Variants in AGBL4 observed in about 807,000 individuals in gnomAD.
AGBL4 encodes cytosolic carboxypeptidase 6.
AGBL4 carries 58 observed loss-of-function variants against 66.4 expected under a neutral mutation model. That is an observed-to-expected ratio of 0.87 (90% confidence interval 0.71 to 1.09). The LOEUF (loss-of-function observed/expected upper bound fraction) is 1.09, where lower values mean the gene tolerates loss of function less well. AGBL4 is among the 50% of genes least tolerant of loss of function. The probability of loss-of-function intolerance (pLI) is 0.00; values close to 1 mark genes in which losing one functional copy is unlikely to be tolerated. For missense variants in AGBL4, 579 were observed against 631.0 expected, an observed-to-expected ratio of 0.92 and a Z score of 0.88; for synonymous variants, 234 against 222.9, an observed-to-expected ratio of 1.05 and a Z score of -0.44.
chr1:49,859,038 C>T (rs1439241656), intron 1 of AGBL4, among the ~76,000 whole-genome samples: 4 of 151,498 alleles, frequency 2.6e-5, no homozygotes, highest in Non-Finnish European at 5.9e-5. Context: ...AGAAAATGCA[C>T]GAAAGAAACT....
At chr1:48,656,131 G>C (rs772046396) in intron 7 of AGBL4, among the ~76,000 whole-genome samples, 35 of 152,364 alleles carry the variant, frequency 2.3e-4, no homozygotes, top group Non-Finnish European at 5.1e-4. Flanking sequence ...AAGGCTGGAA[G>C]CTGGAGAGGC....
chr1:49,671,643 A>C (rs115371852), intron 3 of AGBL4, among the ~76,000 whole-genome samples: 1,667 of 152,274 alleles, frequency 0.011, 26 homozygotes, highest in African/African-American at 0.038. Flanking sequence ...TACAAGAGAA[A>C]ATAAAACAAC....
intron 1 of AGBL4, among the ~76,000 whole-genome samples, chr1:49,872,022 A>G (rs1483813230): frequency 1.3e-5 from 2 of 152,126 alleles, no homozygotes; most frequent in Non-Finnish European, 2.9e-5. Context: ...TGATGCATTC[A>G]TGAGGATTGT....
chr1:48,898,080 G>A (rs1051037498), intron 5 of AGBL4, among the ~76,000 whole-genome samples: 6 of 151,822 alleles, frequency 4.0e-5, no homozygotes, highest in Admixed American at 3.9e-4. Context: ...CAAAGTGCTG[G>A]GATTATAGGT....
At chr1:48,909,259 G>C (rs1045944709) in intron 5 of AGBL4, among the ~76,000 whole-genome samples, 12 of 152,160 alleles carry the variant, frequency 7.9e-5, no homozygotes, top group African/African-American at 2.9e-4. Flanking sequence ...TTAAAAATAA[G>C]TTAACATGAC....
chr1:49,603,929 TACACACACACACAC>T (rs60862640), intron 3 of AGBL4, among the ~76,000 whole-genome samples: 2,109 of 140,614 alleles, frequency 0.015, 53 homozygotes, highest in African/African-American at 0.049. Flanking sequence ...TTCCATGGTA[TACACACACACACAC>T]ACACACACAC....
At chr1:49,980,322 A>T (rs1658956372) in intron 1 of AGBL4, among the ~76,000 whole-genome samples, 1 of 152,194 alleles carries the variant, frequency 6.6e-6, no homozygotes, top group Non-Finnish European at 1.5e-5. Flanking sequence ...CTAGTGATAG[A>T]TATATTCATA....
intron 3 of AGBL4, among the ~76,000 whole-genome samples, chr1:49,263,876 A>G (rs1162655478): frequency 6.6e-6 from 1 of 152,184 alleles, no homozygotes; most frequent in African/African-American, 2.4e-5. Flanking sequence ...GAAAACAAAA[A>G]AGTAACTAAA....
intron 3 of AGBL4, among the ~76,000 whole-genome samples, chr1:49,539,950 G>C (rs1651881352): frequency 1.3e-5 from 2 of 152,192 alleles, no homozygotes; most frequent in Admixed American, 1.3e-4. Context: ...GGGCTCAGAG[G>C]AGGAGGCAGT....
chr1:49,961,447 G>T (rs1657113653), intron 1 of AGBL4, among the ~76,000 whole-genome samples: 1 of 152,100 alleles, frequency 6.6e-6, no homozygotes, highest in Admixed American at 6.6e-5. Flanking sequence ...AGAGGCTGCA[G>T]TAAGCTATGA....
At chr1:49,700,245 G>A (rs1056559750) in intron 2 of AGBL4, among the ~76,000 whole-genome samples, 1 of 149,798 alleles carries the variant, frequency 6.7e-6, no homozygotes, top group Non-Finnish European at 1.5e-5. Flanking sequence ...AAATGAATAG[G>A]GGTATTTCAT....
At chr1:48,523,713 T>C in the AGBL4 span, among the ~76,000 whole-genome samples, 1 of 81,200 alleles carries the variant, frequency 1.2e-5, no homozygotes, top group Non-Finnish European at 2.4e-5. Flanking sequence ...AGCTGCTCTT[T>C]AGGCCAGAGC....
chr1:49,914,916 C>A lies in AGBL4; in HGVS notation c.35-63398G>T, dbSNP rs549036987. Among the ~76,000 whole-genome samples the A allele has an allele frequency of 2.0e-5, 3 of 152,196 alleles. No homozygotes were observed. In the South Asian group the frequency reaches 6.2e-4, roughly 32 times the overall value. On this transcript the variant is annotated intron_variant, in intron 1 of 13. Transcript: ENST00000371839. ...GGGGGCTGAACTCTCATGTAACTAACCCACTCCCACAATAATGGCATTAAT... is the reference window on the plus strand; with the variant it reads ...GGGGGCTGAACTCTCATGTAACTAAACCACTCCCACAATAATGGCATTAAT...
chr1:49,332,578 A>G (rs1645356435), intron 3 of AGBL4, among the ~76,000 whole-genome samples: 1 of 152,202 alleles, frequency 6.6e-6, no homozygotes. Flanking sequence ...ACAAAACACT[A>G]GTATAGGATA....
chr1:49,592,078 A>G (rs1278749127), intron 3 of AGBL4, among the ~76,000 whole-genome samples: 1 of 152,222 alleles, frequency 6.6e-6, no homozygotes, highest in African/African-American at 2.4e-5. Context: ...AAAAACAAAA[A>G]TTGACAAATG....
At chr1:48,952,169 A>G (rs1230551491) in intron 5 of AGBL4, among the ~76,000 whole-genome samples, 1 of 152,248 alleles carries the variant, frequency 6.6e-6, no homozygotes, top group Non-Finnish European at 1.5e-5. Flanking sequence ...CCAGAAAAGT[A>G]CTTTGAGTGA....
chr1:49,401,263 T>G (rs937816968), intron 3 of AGBL4, among the ~76,000 whole-genome samples: 4 of 152,146 alleles, frequency 2.6e-5, no homozygotes, highest in African/African-American at 9.7e-5. Context: ...TATCAGATCT[T>G]GTGAGAACTC....
intron 3 of AGBL4, among the ~76,000 whole-genome samples, chr1:49,552,540 G>A (rs1653049221): frequency 6.6e-6 from 1 of 152,170 alleles, no homozygotes; most frequent in Non-Finnish European, 1.5e-5. Flanking sequence ...TTCCAGGTAA[G>A]GTCGGAAACT....
At chr1:49,269,930 G>A (rs78179469) in intron 3 of AGBL4, among the ~76,000 whole-genome samples, 3,643 of 152,142 alleles carry the variant, frequency 0.024, 121 homozygotes, top group African/African-American at 0.083. Flanking sequence ...ATACCAAAAC[G>A]CCACTCTTCT....
Sources: gnomAD v4.1 joint callset for allele counts (sites outside exome capture counted in the v4.1 genomes callset) on GRCh38, gnomAD v4.1.1 for gene constraint, MANE v1.5 for transcripts, NCBI Gene and HGNC (gene_info 2026-07-23, HGNC 2026-07-21) for gene names.